TLE4: variants seen among roughly 807,000 people sequenced by gnomAD.
TLE4 encodes transducin-like enhancer protein 4.
A neutral mutation model predicts 92.8 loss-of-function variants in TLE4; 8 were observed. That is an observed-to-expected ratio of 0.09 (90% CI 0.05 to 0.16). The LOEUF (loss-of-function observed/expected upper bound fraction) is 0.16, where lower values mean the gene tolerates loss of function less well. Ranked by LOEUF, TLE4 falls within the 10% of genes least tolerant of loss-of-function variation. TLE4 has a pLI of 1.00. For missense variants in TLE4, 675 were observed against 997.6 expected (o/e 0.68, Z 4.36); for synonymous variants, 371 against 374.1 (o/e 0.99, Z 0.10).
intron 4 of TLE4, among the ~76,000 whole-genome samples, chr9:79,592,147 TCTTTCTTCTTC>T (rs1207790511): frequency 6.6e-6 from 1 of 150,916 alleles, no homozygotes; most frequent in Admixed American, 6.6e-5. Context: ...TCTTCTTTCT[TCTTTCTTCTTC>T]TTCTTCTTCT....
intron 8 of TLE4, among the ~76,000 whole-genome samples, chr9:79,658,442 G>C (rs979534986): frequency 4.6e-5 from 7 of 151,958 alleles, no homozygotes; most frequent in African/African-American, 9.7e-5. Flanking sequence ...TGTGTTTAAG[G>C]CAATGCATTT....
chr9:79,698,167 A>T (rs1196473973), intron 8 of TLE4, among the ~76,000 whole-genome samples: 1 of 152,220 alleles, frequency 6.6e-6, no homozygotes, highest in Admixed American at 6.5e-5. Flanking sequence ...AAAGAGGTTC[A>T]TGAATTTTCC....
intron 14 of TLE4, among the ~76,000 whole-genome samples, chr9:79,712,495 A>T (rs894459908): frequency 6.6e-6 from 1 of 152,186 alleles, no homozygotes; most frequent in Non-Finnish European, 1.5e-5. Flanking sequence ...ATAAAAAATC[A>T]CCTAAAGTCT....
At position 79,722,579 on chromosome 9, in the gene TLE4, G is replaced by T; in HGVS notation, c.2115G>T (p.Leu705=). The T allele has an allele frequency of 2.5e-6, 4 of 1,614,114 alleles. No homozygotes were observed. Among genetic ancestry groups the T allele is most frequent in the Non-Finnish European group, 3.4e-6 (4 of 1,180,014 alleles). The change falls in exon 18 of 20, where the codon CTG becomes CTT. Residue 705 remains leucine, a synonymous_variant. Coordinates refer to ENST00000376552, the MANE Select transcript of TLE4 (RefSeq NM_007005.6). ...YQLHLHESCV[L]SLKFAHCGKW... ...TACATCTTCATGAGAGCTGTGTGCTGTCGCTCAAGTTTGCCCATTGTGGTA... is the reference window on the plus strand; with the variant it reads ...TACATCTTCATGAGAGCTGTGTGCTTTCGCTCAAGTTTGCCCATTGTGGTA...
chr9:79,721,146 A>AT (rs2075569991), intron 16 of TLE4, among the ~76,000 whole-genome samples: 1 of 152,210 alleles, frequency 6.6e-6, no homozygotes, highest in African/African-American at 2.4e-5. Context: ...GCAGCCTCTT[A>AT]TGAGAAGCTG....
chr9:79,651,569 G>C (rs1026586904), intron 6 of TLE4, among the ~76,000 whole-genome samples: 3 of 152,220 alleles, frequency 2.0e-5, no homozygotes, highest in Non-Finnish European at 4.4e-5. Flanking sequence ...CTAGAGAAGA[G>C]TACAAGGGCA....
intron 8 of TLE4, among the ~76,000 whole-genome samples, chr9:79,681,713 A>G (rs901549582): frequency 2.0e-5 from 3 of 151,598 alleles, no homozygotes; most frequent in African/African-American, 7.3e-5. Context: ...ATATTTTCCA[A>G]GGATTCCTTA....
chr9:79,616,323 A>G (rs1377409077), intron 5 of TLE4, among the ~76,000 whole-genome samples: 2 of 152,144 alleles, frequency 1.3e-5, no homozygotes, highest in Non-Finnish European at 2.9e-5. Context: ...CCTCATCTGT[A>G]TGATGAAGTT....
intron 19 of TLE4, 59 bp downstream of exon 19, chr9:79,723,094 C>T: frequency 6.7e-7 from 1 of 1,487,966 alleles, no homozygotes; most frequent in Non-Finnish European, 9.4e-7. Flanking sequence ...TCTGTGCATT[C>T]TCTCAGATTA....
rs1359131212 is a variant in TLE4 at position 79,573,768 on chromosome 9, T to C, written c.125T>C (p.Leu42Ser). ...CDRIKEEFQF[L>S]QAQYHSLKLE... ...CGGATTAAGGAAGAGTTTCAGTTTT[T>C]ACAGGCTCAATACCACAGGTAACGA... The change falls in exon 2 of 20, where the codon TTA becomes TCA. Residue 42 changes from leucine (L) to serine (S), a missense_variant. Physicochemically the swap from Leu to Ser is moderately radical, Grantham distance 145. Coordinates refer to ENST00000376552, the MANE Select transcript of TLE4 (RefSeq NM_007005.6). The C allele has an allele frequency of 6.2e-7, 1 of 1,600,608 alleles. No individual in the cohort carries two copies.
intron 4 of TLE4, among the ~76,000 whole-genome samples, chr9:79,609,094 T>TA (rs1246402844): frequency 6.6e-6 from 1 of 152,140 alleles, no homozygotes; most frequent in Non-Finnish European, 1.5e-5. Context: ...GTGATTGAGT[T>TA]ACAGCTTTCT....
At chr9:79,664,756 A>C (rs913289277) in intron 8 of TLE4, among the ~76,000 whole-genome samples, 1 of 151,910 alleles carries the variant, frequency 6.6e-6, no homozygotes, top group Admixed American at 6.6e-5. Context: ...CTCCTTCTAG[A>C]CTTCAGCATG....
At chr9:79,706,075 T>G (rs549900481) in intron 10 of TLE4, 133 bp downstream of exon 10, 182 of 880,564 alleles carry the variant, frequency 2.1e-4, no homozygotes, top group Non-Finnish European at 3.2e-4. Context: ...GGCAGGGTCT[T>G]GTTCTCTTGC....
intron 14 of TLE4, 150 bp downstream of exon 14, chr9:79,709,849 C>T: frequency 1.6e-6 from 1 of 610,944 alleles, no homozygotes; most frequent in Non-Finnish European, 2.7e-6. Context: ...TTTCTCTTAG[C>T]ACAAGAAGAG....
intron 17 of TLE4, 81 bp downstream of exon 17, chr9:79,721,969 A>G: frequency 6.5e-7 from 1 of 1,530,998 alleles, no homozygotes; most frequent in Non-Finnish European, 8.7e-7. Context: ...AATCGAGACC[A>G]TCCTGGCCAA....
chr9:79,702,973 C>T lies in TLE4; in HGVS notation c.610-1810C>T, dbSNP rs1254451985. ...AGACCCAAAAGTTCTGGGTAACACACTTTCTCTCATAGTTAATTAAAAGGG... is the reference window on the plus strand; with the variant it reads ...AGACCCAAAAGTTCTGGGTAACACATTTTCTCTCATAGTTAATTAAAAGGG... On this transcript the variant is annotated intron_variant, in intron 8 of 19. Transcript: ENST00000376552. Among the ~76,000 whole-genome samples the T allele has an allele frequency of 2.6e-5, 4 of 151,770 alleles. No homozygotes were observed. In the East Asian group the frequency reaches 7.7e-4, roughly 29 times the overall value.
At chr9:79,681,200 A>T (rs2064491732) in intron 8 of TLE4, among the ~76,000 whole-genome samples, 2 of 152,174 alleles carry the variant, frequency 1.3e-5, no homozygotes, top group South Asian at 4.1e-4. Context: ...GAGTTCTCTA[A>T]GTCTGTGAAT....
At chr9:79,584,691 G>T (rs746680021) in intron 4 of TLE4, among the ~76,000 whole-genome samples, 9 of 152,122 alleles carry the variant, frequency 5.9e-5, no homozygotes, top group African/African-American at 2.2e-4. Context: ...GGGTATATTA[G>T]GTTGCAAGAT....
intron 8 of TLE4, among the ~76,000 whole-genome samples, chr9:79,689,285 G>T (rs866342225): frequency 2.6e-5 from 4 of 151,378 alleles, no homozygotes; most frequent in African/African-American, 9.7e-5. Flanking sequence ...TCCTTCTCAG[G>T]TCAATTTCCC....
Sources: gnomAD v4.1 joint callset for allele counts (sites outside exome capture counted in the v4.1 genomes callset) on GRCh38, gnomAD v4.1.1 for gene constraint, MANE v1.5 for transcripts, NCBI Gene and HGNC (gene_info 2026-07-23, HGNC 2026-07-21) for gene names.